Variants in PAPLN observed in about 807,000 individuals in gnomAD.
PAPLN encodes the protein papilin.
Under a neutral mutation model 159.0 loss-of-function variants are expected in PAPLN, and 146 were observed. That is an observed-to-expected ratio of 0.92 (90% CI 0.80 to 1.05). The LOEUF (loss-of-function observed/expected upper bound fraction) is 1.05, where lower values mean the gene tolerates loss of function less well. Among genes scored for constraint, PAPLN ranks in the 50% least tolerant of loss-of-function variants. The probability of loss-of-function intolerance (pLI) is 0.00; values close to 1 mark genes in which losing one functional copy is unlikely to be tolerated. For missense variants in PAPLN, 1,720 were observed against 1,743.9 expected, an observed-to-expected ratio of 0.99 and a Z score of 0.24; for synonymous variants, 734 against 702.9, an observed-to-expected ratio of 1.04 and a Z score of -0.70.
At chr14:73,271,574 T>C (rs1887725233) in intron 26 of PAPLN, among the ~76,000 whole-genome samples, 1 of 151,896 alleles carries the variant, frequency 6.6e-6, no homozygotes, top group Admixed American at 6.6e-5. Context: ...TGGTCTCAGC[T>C]CACTGTAACC....
intron 1 of PAPLN, among the ~76,000 whole-genome samples, chr14:73,239,026 T>G (rs1220548133): frequency 6.6e-6 from 1 of 152,072 alleles, no homozygotes; most frequent in Non-Finnish European, 1.5e-5. Context: ...CTGCACCAAA[T>G]AGTACACACC....
intron 25 of PAPLN, 76 bp downstream of exon 25, chr14:73,266,907 G>C: frequency 7.2e-7 from 1 of 1,382,992 alleles, no homozygotes; most frequent in South Asian, 1.3e-5. Flanking sequence ...CTTTCTGCCA[G>C]GGATGTCACT....
intron 3 of PAPLN, 154 bp downstream of exon 3, chr14:73,244,913 A>G (rs1480842388): frequency 1.7e-6 from 1 of 603,166 alleles, no homozygotes; most frequent in African/African-American, 1.9e-5. Flanking sequence ...GCATCAGTTC[A>G]GCGCAGGAAA....
chr14:73,254,863 C>G lies in PAPLN; in HGVS notation c.1486-14C>G, dbSNP rs772606341. 2 of 1,610,226 alleles carry G rather than the reference C, an allele frequency of 1.2e-6. No homozygotes were observed. The highest frequency in any genetic ancestry group is 2.2e-5 in the South Asian group (2 of 91,028). Reference sequence around the variant, plus strand: ...GCCCTCAGCATCTCTCTCTCTCCCACTCGTGGGCCTCAGTGCTCCAAGAGC... The same window carrying G: ...GCCCTCAGCATCTCTCTCTCTCCCAGTCGTGGGCCTCAGTGCTCCAAGAGC... On this transcript the variant is annotated splice_polypyrimidine_tract_variant and intron_variant, in intron 13 of 26. Coordinates refer to ENST00000644200, the MANE Select transcript of PAPLN (RefSeq NM_001365906.3).
intron 17 of PAPLN, 74 bp from the exon 18 acceptor site, chr14:73,261,081 TC>T: frequency 6.2e-7 from 1 of 1,609,110 alleles, no homozygotes; most frequent in Non-Finnish European, 8.5e-7. Context: ...CCTGCCATCC[TC>T]CCCGTGGCAG....
chr14:73,246,396 AATTTTTTTT>A (rs1884332178), intron 5 of PAPLN, among the ~76,000 whole-genome samples: 1 of 91,932 alleles, frequency 1.1e-5, no homozygotes, highest in African/African-American at 4.7e-5. Context: ...GTACCCGACC[AATTTTTTTT>A]TTTTTTTTTT....
Position 73,261,250 on chromosome 14 carries a change from C to A in PAPLN, c.2201C>A (p.Ala734Glu). Residue 734 changes from alanine to glutamate, a missense_variant, in exon 18 of 27, where the codon GCA becomes GAA. Transcript: ENST00000644200. ...FGCCYDNVAT[A>E]AGPLGEGCVG... ...TGTTGCTATGACAACGTGGCCACTGCAGCCGGTCCTCTTGGGGAAGGCTGT... is the reference window on the plus strand; with the variant it reads ...TGTTGCTATGACAACGTGGCCACTGAAGCCGGTCCTCTTGGGGAAGGCTGT... 1.2e-6 allele frequency: 2 copies of A among 1,613,880 alleles called. No individual in the cohort carries two copies. The highest frequency in any genetic ancestry group is 1.7e-6 in the Non-Finnish European group (2 of 1,180,008).
rs1266534107 is a variant in PAPLN at position 73,255,472 on chromosome 14, A to T, written c.1627+454A>T. Among the ~76,000 whole-genome samples the T allele has an allele frequency of 7.2e-5, 11 of 152,150 alleles. 1 individual carries two copies. Among genetic ancestry groups the T allele is most frequent in the Non-Finnish European group, 1.3e-4 (9 of 68,024 alleles). The stretch of plus-strand genomic sequence containing the variant: ...TGACTGAGTGACTGACTGTGTGCTG[A>T]GGGAAGGAGGCAGTCCAGGAAGGAG... On this transcript the variant is annotated intron_variant, in intron 14 of 26. Transcript: ENST00000644200.
chr14:73,266,930 TC>T, intron 25 of PAPLN, 99 bp downstream of exon 25: 1 of 1,183,698 alleles, frequency 8.4e-7, no homozygotes, highest in Non-Finnish European at 1.2e-6. Flanking sequence ...CACCACTGCT[TC>T]CATTCCGGCT....
At chr14:73,263,489 G>A in intron 19 of PAPLN, 156 bp from the exon 20 acceptor site, 1 of 900,762 alleles carries the variant, frequency 1.1e-6, no homozygotes, top group Non-Finnish European at 1.7e-6. Context: ...TGAATCCATG[G>A]GCTTCTGGGG....
At chr14:73,249,424 AG>A (rs1167267749) in intron 5 of PAPLN, among the ~76,000 whole-genome samples, 1 of 152,142 alleles carries the variant, frequency 6.6e-6, no homozygotes, top group Non-Finnish European at 1.5e-5. Flanking sequence ...CTGTAATCCC[AG>A]CACTTTGGGA....
At chr14:73,260,664 G>T (rs776194427) in intron 16 of PAPLN, 45 bp from the exon 17 acceptor site, 5 of 1,401,050 alleles carry the variant, frequency 3.6e-6, no homozygotes, top group Non-Finnish European at 4.6e-6. Context: ...TGCAGGGAGC[G>T]TGGGGGCAGG....
upstream of PAPLN, chr14:73,237,379 CGAGGGCCT>C (rs1237099013): frequency 6.6e-6 from 1 of 152,196 alleles, no homozygotes; most frequent in Non-Finnish European, 1.5e-5. Flanking sequence ...CCGGTCACCA[CGAGGGCCT>C]CTACGAAGGG....
chr14:73,245,855 C>T lies in PAPLN; in HGVS notation c.231+159C>T. 9.9e-7 allele frequency: 1 copy of T among 1,006,364 alleles called. No individual in the cohort carries two copies. The highest frequency in any genetic ancestry group is 1.4e-6 in the Non-Finnish European group (1 of 696,212). The allele number at this position is 1,006,364 out of a possible 1,614,324, so 62.3% of individuals were successfully genotyped here. On this transcript the variant is annotated intron_variant, in intron 4 of 26. Coordinates refer to ENST00000644200, the MANE Select transcript of PAPLN (RefSeq NM_001365906.3). The surrounding 1 kb of genome is among the most constrained non-coding windows in gnomAD (Gnocchi z 4.2). ...CAGGGCTGCGTGGGGGCCCCTTCCT[C>T]ACCCTGCTCCCGGGGACTGGCCTTG... is the stretch of plus-strand genomic sequence containing the variant.
intron 14 of PAPLN, among the ~76,000 whole-genome samples, chr14:73,255,990 T>C (rs1885868417): frequency 6.6e-6 from 1 of 152,170 alleles, no homozygotes; most frequent in African/African-American, 2.4e-5. Flanking sequence ...CCTGACCGCA[T>C]GGGGTGCTTG....
At chr14:73,256,790 G>A (rs148840340) in intron 14 of PAPLN, among the ~76,000 whole-genome samples, 158 of 152,158 alleles carry the variant, frequency 1.0e-3, no homozygotes, top group African/African-American at 3.4e-3. Context: ...GGCTGAGACA[G>A]GAGAATCACT....
At chr14:73,241,966 GGC>G (rs1883596638) in intron 2 of PAPLN, among the ~76,000 whole-genome samples, 1 of 152,272 alleles carries the variant, frequency 6.6e-6, no homozygotes, top group African/African-American at 2.4e-5. Flanking sequence ...GCATGGGTGG[GGC>G]GCCTAGCGCA....
intron 26 of PAPLN, chr14:73,272,226 G>T: frequency 3.0e-6 from 1 of 335,902 alleles, no homozygotes; most frequent in Non-Finnish European, 5.4e-6. Flanking sequence ...AAATATTTGG[G>T]AGTCTAGGAA....
At chr14:73,237,785 C>G (rs939208256) in intron 1 of PAPLN, among the ~76,000 whole-genome samples, 193 bp downstream of exon 1, 2 of 152,156 alleles carry the variant, frequency 1.3e-5, no homozygotes, top group African/African-American at 4.8e-5. Context: ...CACCGCGCGC[C>G]CCCCGGCCTG....
Sources: allele counts gnomAD v4.1 joint callset (sites outside exome capture counted in the v4.1 genomes callset), GRCh38; gene constraint gnomAD v4.1.1; non-coding constraint Gnocchi (gnomAD v3.1); transcripts MANE v1.5; gene names NCBI Gene and HGNC (gene_info 2026-07-23, HGNC 2026-07-21).